RNF144A: variants seen among roughly 807,000 people sequenced by gnomAD.
The protein encoded by RNF144A is ring finger protein 144A.
A neutral mutation model predicts 38.7 loss-of-function variants in RNF144A; 11 were observed. That is an observed-to-expected ratio of 0.28 (90% CI 0.18 to 0.47). The LOEUF is 0.47. RNF144A is among the 20% of genes least tolerant of loss of function. RNF144A has a pLI of 0.99. For missense variants in RNF144A, 316 were observed against 377.2 expected, an observed-to-expected ratio of 0.84 and a Z score of 1.34; for synonymous variants, 149 against 143.9, an observed-to-expected ratio of 1.04 and a Z score of -0.25.
chr2:6,985,972 C>T (rs1468998874), intron 2 of RNF144A, among the ~76,000 whole-genome samples: 1 of 152,180 alleles, frequency 6.6e-6, no homozygotes, highest in Non-Finnish European at 1.5e-5. Context: ...CTGTGCCCGG[C>T]CGCATGTTTT....
At chr2:7,026,252 G>A (rs3755499) in intron 7 of RNF144A, among the ~76,000 whole-genome samples, 19,330 of 152,152 alleles carry the variant, frequency 0.13, 1,994 homozygotes, top group East Asian at 0.56. Flanking sequence ...GTCTCTTTAT[G>A]AACTTTAAAT....
chr2:7,053,259 C>T (rs766120156), intron 6 of RNF144A, among the ~76,000 whole-genome samples: 8 of 152,178 alleles, frequency 5.3e-5, no homozygotes, highest in African/African-American at 1.4e-4. Flanking sequence ...CACCTCAGAC[C>T]GAGTCAGAAC....
intron 6 of RNF144A, chr2:7,068,150 C>G (rs1674310149): frequency 2.4e-6 from 2 of 826,380 alleles, no homozygotes; most frequent in Admixed American, 4.7e-5. Flanking sequence ...GTGATTTACA[C>G]AAGTATCATT....
chr2:6,980,876 T>C (rs28768765), intron 2 of RNF144A, among the ~76,000 whole-genome samples: 2,743 of 152,334 alleles, frequency 0.018, 43 homozygotes, highest in East Asian at 0.068. Context: ...AGCAATTCCA[T>C]ACATCCTCTG....
rs1667168691 is a variant in RNF144A, at chr2:6,958,903, CCTAAAAGCTT to C, written c.-12+17759_-12+17768del. On this transcript the variant is annotated intron_variant, in intron 2 of 8. Transcript: ENST00000320892. This position sits in a 1 kb window ranked among gnomAD's most constrained non-coding sequence, Gnocchi z 4.5. ...AAGCTTCTCTTTTACCCAATGGCTC[CCTAAAAGCTT>C]CTCTTTTACCCAGTGACTCCCTAAA... 6.6e-6 allele frequency among the ~76,000 whole-genome samples: 1 copy of C among 152,102 alleles called. No homozygotes were observed. Among genetic ancestry groups the C allele is most frequent in the Non-Finnish European group, 1.5e-5 (1 of 68,028 alleles).
intron 3 of RNF144A, among the ~76,000 whole-genome samples, chr2:7,003,555 A>G (rs1670252884): frequency 6.6e-6 from 1 of 152,254 alleles, no homozygotes; most frequent in Non-Finnish European, 1.5e-5. Flanking sequence ...TGTAGCCCAG[A>G]GCAATAGGCT....
At chr2:7,017,924 G>C (rs142708279) in intron 5 of RNF144A, among the ~76,000 whole-genome samples, 10 of 152,286 alleles carry the variant, frequency 6.6e-5, no homozygotes, top group Non-Finnish European at 1.2e-4. Flanking sequence ...AGGCAGTGCC[G>C]TGTCACAGCT....
intron 2 of RNF144A, among the ~76,000 whole-genome samples, chr2:6,974,870 G>T (rs1467566032): frequency 6.6e-6 from 1 of 152,084 alleles, no homozygotes; most frequent in African/African-American, 2.4e-5. Flanking sequence ...AATTTTTTTG[G>T]TAATTTATAC....
chr2:7,012,238 C>T (rs1000217243), intron 3 of RNF144A, among the ~76,000 whole-genome samples: 9 of 152,262 alleles, frequency 5.9e-5, no homozygotes, highest in African/African-American at 1.4e-4. Context: ...AGACAAATCA[C>T]GTAAGTAGAC....
intron 2 of RNF144A, among the ~76,000 whole-genome samples, chr2:6,959,897 G>A (rs1007988106): frequency 2.0e-5 from 3 of 152,146 alleles, no homozygotes; most frequent in African/African-American, 7.2e-5. Context: ...CAATTCCCCT[G>A]GATTCCCCGG....
At chr2:7,000,860 TTA>T (rs536391689) in intron 3 of RNF144A, among the ~76,000 whole-genome samples, 28 of 149,510 alleles carry the variant, frequency 1.9e-4, no homozygotes, top group African/African-American at 3.7e-4. Context: ...TATATTGCGT[TTA>T]TATATATATA....
Position 6,944,523 on chromosome 2 carries a change from G to T in RNF144A, c.-12+3376G>T. Among the ~76,000 whole-genome samples the T allele has an allele frequency of 6.6e-6, 1 of 152,142 alleles. No homozygotes were observed. On this transcript the variant is annotated intron_variant, in intron 2 of 8. Coordinates refer to ENST00000320892, the MANE Select transcript of RNF144A (RefSeq NM_014746.6). This position sits in a 1 kb window ranked among gnomAD's most constrained non-coding sequence, Gnocchi z 4.7. ...GTGGCCACTGTGAAAGTTGCCATTT[G>T]AAGTTACCCCTCCCGCTTTCTCTTC...
In RNF144A at chr2:7,041,151, G is replaced by A; in HGVS notation, c.*1391G>A. 4.1e-6 allele frequency: 4 copies of A among 980,720 alleles called. No individual in the cohort carries two copies. Among genetic ancestry groups the A allele is most frequent in the Non-Finnish European group, 4.8e-6 (4 of 825,726 alleles). 60.8% of individuals were successfully genotyped at this position (980,720 alleles called of 1,614,324 possible). A position where few individuals can be genotyped will look rare whatever the true frequency, so the allele number is the denominator to read the frequency against. ...GCAAATATTGTAGCTATATTACAGT[G>A]GGATTTTAAAAATCTTGTTAAACAT... is the stretch of plus-strand genomic sequence containing the variant. On this transcript the variant is annotated 3_prime_UTR_variant, in exon 9 of 9. Transcript: ENST00000320892.
the RNF144A span, among the ~76,000 whole-genome samples, chr2:7,073,400 A>G: frequency 7.0e-6 from 1 of 143,494 alleles, no homozygotes; most frequent in Non-Finnish European, 1.5e-5. Flanking sequence ...ATGAAGGCCA[A>G]CATGAGGTCA....
intron 3 of RNF144A, among the ~76,000 whole-genome samples, chr2:7,003,588 A>G (rs1228992830): frequency 3.3e-5 from 5 of 152,242 alleles, no homozygotes; most frequent in Admixed American, 2.6e-4. Flanking sequence ...CTAGGTGTGT[A>G]GTAGGCTATG....
At chr2:6,998,031 A>C (rs1408291012) in intron 3 of RNF144A, among the ~76,000 whole-genome samples, 1 of 152,252 alleles carries the variant, frequency 6.6e-6, no homozygotes, top group African/African-American at 2.4e-5. Context: ...GTATACAAAA[A>C]ATGAATATCA....
rs76283980 is a variant in RNF144A, at chr2:7,039,895, C to T, written c.*135C>T. The T allele has an allele frequency of 6.9e-4, 995 of 1,447,844 alleles. 3 individuals carry two copies. The African/African-American group carries it at 0.013, about 18-fold the overall frequency. The allele number at this position is 1,447,844 out of a possible 1,614,324, so 89.7% of individuals were successfully genotyped here. A position where few individuals can be genotyped will look rare whatever the true frequency, so the allele number is the denominator to read the frequency against. On this transcript the variant is annotated 3_prime_UTR_variant, in exon 9 of 9. Transcript: ENST00000320892. ...TTGAGCTTCACAGTGTCAGGCTGGACGCCGTGATTTCAGGGACCTATGTCA... is the reference window on the plus strand; with the variant it reads ...TTGAGCTTCACAGTGTCAGGCTGGATGCCGTGATTTCAGGGACCTATGTCA...
In RNF144A at chr2:7,024,386, A is replaced by G. The variant is rs748872062; in HGVS notation, c.527A>G (p.Glu176Gly). ...TCCCACAGTGCTGCTTTCAAAATGG[A>G]AGAAGATGACGCGCCCATCAAGCGC... The part of the protein sequence containing the change: ...PGETSAAFKM[E>G]EDDAPIKRCP... The change falls in exon 7 of 9, where the codon GAA (glutamate) becomes GGA (glycine). Residue 176 changes from glutamate (E) to glycine (G), a missense_variant. Coordinates refer to ENST00000320892, the MANE Select transcript of RNF144A (RefSeq NM_014746.6). 23 of 1,607,548 alleles carry G rather than the reference A, an allele frequency of 1.4e-5. No homozygotes were observed. The highest frequency in any genetic ancestry group is 1.5e-5 in the Non-Finnish European group (18 of 1,174,360).
Position 7,043,415 on chromosome 2 carries a change from G to T in RNF144A, c.*3655G>T, listed in dbSNP as rs1673169220. 1.0e-6 allele frequency: 1 copy of T among 985,442 alleles called. No homozygotes were observed. The highest frequency in any genetic ancestry group is 6.2e-5 in the Admixed American group (1 of 16,252). 61.0% of individuals were successfully genotyped at this position (985,442 alleles called of 1,614,324 possible). On this transcript the variant is annotated 3_prime_UTR_variant, in exon 9 of 9. Coordinates refer to ENST00000320892, the MANE Select transcript of RNF144A (RefSeq NM_014746.6). ...TAGGGGATTGAAAGGATCCAGGATG[G>T]GCTTTGTGTGTGTGTCTCAGATTCT...
Sources: allele counts gnomAD v4.1 joint callset (sites outside exome capture counted in the v4.1 genomes callset), GRCh38; gene constraint gnomAD v4.1.1; non-coding constraint Gnocchi (gnomAD v3.1); transcripts MANE v1.5; gene names NCBI Gene and HGNC (gene_info 2026-07-23, HGNC 2026-07-21).